Variants in STAG1 observed in about 807,000 individuals in gnomAD.
STAG1 encodes cohesin subunit SA-1.
A neutral mutation model predicts 170.9 loss-of-function variants in STAG1; 26 were observed. The ratio of observed to expected loss-of-function variants is 0.15; its 90% CI spans 0.11 to 0.21. STAG1 has a LOEUF of 0.21. Ranked by LOEUF, STAG1 falls within the 10% of genes least tolerant of loss-of-function variation. The pLI is 1.00. For missense variants in STAG1, 964 were observed against 1,509.5 expected (o/e 0.64, Z 5.99); for synonymous variants, 514 against 497.7 (o/e 1.03, Z -0.44).
chr3:136,425,841 G>A (rs1017701484), intron 16 of STAG1, among the ~76,000 whole-genome samples: 1 of 151,034 alleles, frequency 6.6e-6, no homozygotes, highest in African/African-American at 2.4e-5. Flanking sequence ...AGTATGAAGG[G>A]GCTTATCACT....
At chr3:136,716,741 A>G (rs1391144662) in intron 1 of STAG1, among the ~76,000 whole-genome samples, 1 of 152,254 alleles carries the variant, frequency 6.6e-6, no homozygotes, top group Non-Finnish European at 1.5e-5. Context: ...TTAAAAAAGG[A>G]GAGCAAAAAC....
Position 136,406,683 on chromosome 3 carries a change from T to C in STAG1, c.2197-7854A>G, listed in dbSNP as rs117748958. ...CAAACGATTGAGTAAAGAGAAAAGA[T>C]TAATAAATTCTAGGAAATAGGGGAT... On this transcript the variant is annotated intron_variant, in intron 21 of 33. Transcript: ENST00000383202. Among the ~76,000 whole-genome samples, 4 of 152,236 alleles carry C rather than the reference T, an allele frequency of 2.6e-5. No individual in the cohort carries two copies. In the East Asian group the frequency reaches 7.7e-4, roughly 29 times the overall value.
intron 5 of STAG1, among the ~76,000 whole-genome samples, chr3:136,559,001 G>A (rs975367132): frequency 3.3e-5 from 5 of 152,190 alleles, no homozygotes; most frequent in Non-Finnish European, 7.3e-5. Context: ...AACTGGAGGA[G>A]AGGGAGAAAG....
intron 2 of STAG1, among the ~76,000 whole-genome samples, chr3:136,625,168 T>C (rs535415908): frequency 1.9e-4 from 29 of 152,268 alleles, no homozygotes; most frequent in Non-Finnish European, 4.0e-4. Context: ...TTGTAAAGAG[T>C]AGGAAAAGTA....
chr3:136,699,890 AGC>A (rs1943000613), intron 1 of STAG1, among the ~76,000 whole-genome samples: 1 of 152,144 alleles, frequency 6.6e-6, no homozygotes, highest in Non-Finnish European at 1.5e-5. Flanking sequence ...TTTCAGATGA[AGC>A]GGTAAGAAAT....
intron 30 of STAG1, among the ~76,000 whole-genome samples, chr3:136,341,934 C>A (rs1935991546): frequency 6.6e-6 from 1 of 152,144 alleles, no homozygotes; most frequent in Non-Finnish European, 1.5e-5. Context: ...AATATAGCAT[C>A]TTTTCCTCAG....
chr3:136,658,328 T>C (rs1941462797), intron 1 of STAG1, among the ~76,000 whole-genome samples: 1 of 152,040 alleles, frequency 6.6e-6, no homozygotes, highest in African/African-American at 2.4e-5. Context: ...ATCCCACATA[T>C]CTAGGTAGGT....
At chr3:136,451,554 G>A (rs1439960322) in intron 14 of STAG1, among the ~76,000 whole-genome samples, 1 of 152,134 alleles carries the variant, frequency 6.6e-6, no homozygotes, top group African/African-American at 2.4e-5. Flanking sequence ...ACCTAAGTCA[G>A]GAGTTCAAGA....
At chr3:136,420,244 CAAAAAAAA>C (rs71157379) in intron 20 of STAG1, among the ~76,000 whole-genome samples, 5 of 36,956 alleles carry the variant, frequency 1.4e-4, no homozygotes, top group African/African-American at 5.6e-4. Context: ...GAGACTCTGT[CAAAAAAAA>C]AAAAAAAAAA....
At chr3:136,476,468 G>T (rs1277569136) in intron 10 of STAG1, among the ~76,000 whole-genome samples, 1 of 152,152 alleles carries the variant, frequency 6.6e-6, no homozygotes, top group African/African-American at 2.4e-5. Flanking sequence ...GTATTCCAGG[G>T]GGCAAGACAG....
In STAG1 at chr3:136,336,771, C is replaced by T. The variant is rs117309918; in HGVS notation, c.*1483G>A. 16 of 152,328 alleles carry T rather than the reference C, an allele frequency of 1.1e-4. No homozygotes were observed. The East Asian group carries it at 2.9e-3, about 28-fold the overall frequency. 9.4% of individuals were successfully genotyped at this position (152,328 alleles called of 1,614,324 possible). On this transcript the variant is annotated 3_prime_UTR_variant, in exon 34 of 34. Coordinates refer to ENST00000383202, the MANE Select transcript of STAG1 (RefSeq NM_005862.3). ...TTACTAAAAGGATGAATAAAATCAT[C>T]CATCATCATCTTGCTTTCCCGCACA...
intron 1 of STAG1, among the ~76,000 whole-genome samples, chr3:136,740,756 A>G (rs1934624229): frequency 6.6e-6 from 1 of 152,224 alleles, no homozygotes; most frequent in Non-Finnish European, 1.5e-5. Flanking sequence ...CTAGGATTAC[A>G]GGTGGAAGCC....
chr3:136,617,550 T>C (rs1440370597), intron 3 of STAG1, among the ~76,000 whole-genome samples: 1 of 152,212 alleles, frequency 6.6e-6, no homozygotes, highest in Non-Finnish European at 1.5e-5. Flanking sequence ...TGAATGTTCC[T>C]GAAAGATTGA....
intron 2 of STAG1, among the ~76,000 whole-genome samples, chr3:136,629,720 T>C (rs549082845): frequency 3.5e-4 from 53 of 152,142 alleles, no homozygotes; most frequent in Non-Finnish European, 5.9e-4. Context: ...AAATAAGGTA[T>C]GTAAATGAAC....
chr3:136,631,565 A>G (rs1015422396), intron 1 of STAG1, among the ~76,000 whole-genome samples: 1 of 152,230 alleles, frequency 6.6e-6, no homozygotes, highest in Non-Finnish European at 1.5e-5. Flanking sequence ...TTGGGGTGAT[A>G]GTGACTTGTC....
chr3:136,570,624 T>C (rs9883189), intron 4 of STAG1, among the ~76,000 whole-genome samples: 26,282 of 152,220 alleles, frequency 0.17, 2,838 homozygotes, highest in Non-Finnish European at 0.24. Context: ...TCATAACAAG[T>C]TGTAATAAAT....
At chr3:136,551,101 G>C (rs1936360736) in intron 5 of STAG1, among the ~76,000 whole-genome samples, 1 of 151,486 alleles carries the variant, frequency 6.6e-6, no homozygotes, top group Non-Finnish European at 1.5e-5. Context: ...ACACTTAATG[G>C]GTAAGAAGTT....
chr3:136,534,520 A>G (rs185471038), intron 6 of STAG1, among the ~76,000 whole-genome samples: 2 of 152,272 alleles, frequency 1.3e-5, no homozygotes, highest in East Asian at 3.9e-4. Flanking sequence ...ATCCAACAGA[A>G]GACTAATACT....
intron 1 of STAG1, among the ~76,000 whole-genome samples, chr3:136,749,973 C>T (rs1935144982): frequency 6.6e-6 from 1 of 150,480 alleles, no homozygotes; most frequent in African/African-American, 2.4e-5. Flanking sequence ...CAGGACAAAA[C>T]AACAAATAAA....
Sources: allele counts gnomAD v4.1 joint callset (sites outside exome capture counted in the v4.1 genomes callset), GRCh38; gene constraint gnomAD v4.1.1; transcripts MANE v1.5; gene names NCBI Gene and HGNC (gene_info 2026-07-23, HGNC 2026-07-21).